The following RYR2 variants were observed in gnomAD, a reference collection of about 807,000 sequenced individuals.
RYR2 encodes cardiac muscle ryanodine receptor-calcium release channel.
A neutral mutation model predicts 601.1 loss-of-function variants in RYR2; 227 were observed. That is an observed-to-expected ratio of 0.38 (90% CI 0.34 to 0.42). RYR2 has a LOEUF of 0.42. RYR2 is among the 10% of genes least tolerant of loss of function. The probability of loss-of-function intolerance (pLI) is 1.00; values close to 1 mark genes in which losing one functional copy is unlikely to be tolerated. For synonymous variants in RYR2, 2,223 were observed against 2,175.1 expected (o/e 1.02, Z -0.61); for missense variants, 4,646 against 6,156.5 (o/e 0.75, Z 8.21).
intron 14 of RYR2, among the ~76,000 whole-genome samples, chr1:237,446,410 T>C (rs2927929): frequency 0.072 from 10,994 of 152,218 alleles, 998 homozygotes; most frequent in African/African-American, 0.21. Context: ...TTTGTTAATA[T>C]TTCTGTTAAG....
intron 3 of RYR2, 39 bp from the exon 4 acceptor site, chr1:237,355,926 T>G: frequency 6.4e-7 from 1 of 1,562,902 alleles, no homozygotes; most frequent in Non-Finnish European, 8.7e-7. Context: ...GCTAGGTATT[T>G]GTTTGTTTGT....
At chr1:237,456,419 T>C (rs1288980791) in intron 15 of RYR2, among the ~76,000 whole-genome samples, 181 bp from the exon 16 acceptor site, 2 of 152,222 alleles carry the variant, frequency 1.3e-5, no homozygotes, top group East Asian at 3.9e-4. Context: ...CTGAAGAACA[T>C]TTCATTTCAC....
rs140257180 is a variant in RYR2, at chr1:237,425,549, G to A, written c.1005+2301G>A. ...CTCGGGAAGCTGAGGCAGGAGAATC[G>A]CTTGAACTCGGGAGGCAGAGGATGC... On this transcript the variant is annotated intron_variant, in intron 12 of 104. Coordinates refer to ENST00000366574, the MANE Select transcript of RYR2 (RefSeq NM_001035.3). 2.6e-4 allele frequency among the ~76,000 whole-genome samples: 40 copies of A among 152,100 alleles called. No homozygotes were observed. In the South Asian group the frequency reaches 5.2e-3, roughly 20 times the overall value.
chr1:237,255,309 A>G (rs1687845324), intron 1 of RYR2, among the ~76,000 whole-genome samples: 1 of 152,210 alleles, frequency 6.6e-6, no homozygotes, highest in East Asian at 1.9e-4. Context: ...TTTAGATCTG[A>G]TATTTTTACT....
intron 66 of RYR2, among the ~76,000 whole-genome samples, chr1:237,703,227 T>C (rs1006540992): frequency 6.6e-6 from 1 of 151,982 alleles, no homozygotes; most frequent in Admixed American, 6.6e-5. Context: ...TCCATTTACA[T>C]TCTCAAATTT....
At chr1:237,501,897 T>G (rs1193469508) in intron 21 of RYR2, among the ~76,000 whole-genome samples, 1 of 152,218 alleles carries the variant, frequency 6.6e-6, no homozygotes, top group Non-Finnish European at 1.5e-5. Context: ...TCCCAGCACT[T>G]TGGGAGGCCG....
intron 2 of RYR2, among the ~76,000 whole-genome samples, chr1:237,274,856 G>T (rs1690099923): frequency 1.3e-5 from 2 of 152,080 alleles, no homozygotes; most frequent in Non-Finnish European, 2.9e-5. Flanking sequence ...GTTGCCTCCA[G>T]TATTCAGTAT....
At chr1:237,814,171 TA>T (rs1286608395) in intron 100 of RYR2, among the ~76,000 whole-genome samples, 1 of 152,206 alleles carries the variant, frequency 6.6e-6, no homozygotes, top group Admixed American at 6.5e-5. Context: ...CAACAAAATT[TA>T]AAATATAACT....
intron 1 of RYR2, among the ~76,000 whole-genome samples, chr1:237,109,456 G>A (rs12128519): frequency 0.63 from 95,255 of 151,838 alleles, 31,240 homozygotes; most frequent in Admixed American, 0.76. Context: ...TTAGCTGTCT[G>A]TTTTGGAAAA....
intron 1 of RYR2, among the ~76,000 whole-genome samples, chr1:237,247,874 T>C (rs1413888611): frequency 1.3e-5 from 2 of 151,990 alleles, no homozygotes; most frequent in East Asian, 1.9e-4. Flanking sequence ...TAATTGACAA[T>C]AGGGAGAGGG....
chr1:237,741,680 C>T lies in RYR2; in HGVS notation c.11092-616C>T, dbSNP rs144009586. Reference sequence around the variant, plus strand: ...GCAATGGCACAATCTTGGCTCACTGCAGCCTCCGCCTCCTGGGTTCAAGCA... The same window carrying T: ...GCAATGGCACAATCTTGGCTCACTGTAGCCTCCGCCTCCTGGGTTCAAGCA... On this transcript the variant is annotated intron_variant, in intron 79 of 104. Transcript: ENST00000366574. 7.6e-3 allele frequency among the ~76,000 whole-genome samples: 1,151 copies of T among 152,270 alleles called. 19 individuals carry two copies. Among genetic ancestry groups the T allele is most frequent in the African/African-American group, 0.026 (1,083 of 41,542 alleles).
intron 11 of RYR2, among the ~76,000 whole-genome samples, chr1:237,421,046 C>T (rs909085755): frequency 1.3e-5 from 2 of 152,204 alleles, no homozygotes; most frequent in African/African-American, 4.8e-5. Flanking sequence ...CGAGACCATC[C>T]TGGCTAACAT....
At chr1:237,627,745 A>G (rs1307554142) in intron 40 of RYR2, 62 bp from the exon 41 acceptor site, 7 of 1,477,596 alleles carry the variant, frequency 4.7e-6, no homozygotes, top group Non-Finnish European at 9.1e-7. Context: ...TGGACTTGAA[A>G]TGTCCAACTG....
At position 237,623,463 on chromosome 1, in the gene RYR2, G is replaced by A. The variant is rs561956960; in HGVS notation, c.5917-302G>A. Among the ~76,000 whole-genome samples the A allele has an allele frequency of 5.1e-5, 7 of 137,700 alleles. No homozygotes were observed. The South Asian group carries it at 1.4e-3, about 28-fold the overall frequency. The allele number at this position is 137,700 out of a possible 152,430, so 90.3% of individuals were successfully genotyped here. ...GGCTGGAGTGTAGTGGCACAATCTC[G>A]GCTCACTGCAACCTCCACCTCCCAG... On this transcript the variant is annotated intron_variant, in intron 38 of 104. Transcript: ENST00000366574.
At chr1:237,202,710 TAAC>T (rs1292026540) in intron 1 of RYR2, among the ~76,000 whole-genome samples, 1 of 152,194 alleles carries the variant, frequency 6.6e-6, no homozygotes, top group Non-Finnish European at 1.5e-5. Flanking sequence ...GTCCGTCCTT[TAAC>T]AACACCTTTT....
At chr1:237,690,285 A>G (rs1473131228) in intron 63 of RYR2, among the ~76,000 whole-genome samples, 1 of 152,160 alleles carries the variant, frequency 6.6e-6, no homozygotes, top group African/African-American at 2.4e-5. Flanking sequence ...TGTAAGTCCT[A>G]TTTTTCTAAC....
At chr1:237,204,772 GAGAT>G (rs1681608756) in intron 1 of RYR2, among the ~76,000 whole-genome samples, 2 of 152,180 alleles carry the variant, frequency 1.3e-5, no homozygotes, top group Admixed American at 6.5e-5. Flanking sequence ...TAAGTCAGAG[GAGAT>G]TCAACAAGAA....
chr1:237,705,065 T>C, intron 66 of RYR2, 148 bp from the exon 67 acceptor site: 1 of 659,664 alleles, frequency 1.5e-6, no homozygotes, highest in Non-Finnish European at 2.6e-6. Context: ...AAGCATATGA[T>C]GTTTAGCAAT....
chr1:237,639,783 G>C (rs866531831), intron 46 of RYR2, among the ~76,000 whole-genome samples: 1 of 152,140 alleles, frequency 6.6e-6, no homozygotes, highest in Non-Finnish European at 1.5e-5. Flanking sequence ...ATGCTTATCT[G>C]TGTAGGTGAA....
Sources: allele counts gnomAD v4.1 joint callset (sites outside exome capture counted in the v4.1 genomes callset), GRCh38; gene constraint gnomAD v4.1.1; transcripts MANE v1.5; gene names NCBI Gene and HGNC (gene_info 2026-07-23, HGNC 2026-07-21).